DCC: variants seen among roughly 807,000 people sequenced by gnomAD.
The protein encoded by DCC is DCC netrin 1 receptor, also known as netrin receptor DCC.
DCC carries 58 observed loss-of-function variants against 172.5 expected under a neutral mutation model. The observed-to-expected ratio is 0.34, with a 90% CI of 0.27 to 0.42. The LOEUF is 0.42. Ranked by LOEUF, DCC falls within the 10% of genes least tolerant of loss-of-function variation. The probability of loss-of-function intolerance (pLI) is 1.00; values close to 1 mark genes in which losing one functional copy is unlikely to be tolerated. For missense variants in DCC, 1,740 were observed against 1,791.0 expected, an observed-to-expected ratio of 0.97 and a Z score of 0.51; for synonymous variants, 709 against 644.5, an observed-to-expected ratio of 1.10 and a Z score of -1.52.
rs368597374 is a variant in DCC, at chr18:52,469,972, A to C, written c.91+129094A>C. Among the ~76,000 whole-genome samples, 143 of 152,372 alleles carry C rather than the reference A, an allele frequency of 9.4e-4. 3 individuals carry two copies. The South Asian group carries it at 0.024, about 25-fold the overall frequency. On this transcript the variant is annotated intron_variant, in intron 1 of 28. Coordinates refer to ENST00000442544, the MANE Select transcript of DCC (RefSeq NM_005215.4). The stretch of plus-strand genomic sequence containing the variant: ...TATTCTTTGGACAGATTTTACTCAC[A>C]TGGCAGAAGTGCCTAGGAAGCAGAG...
At chr18:52,692,682 T>C (rs1390867003) in intron 1 of DCC, among the ~76,000 whole-genome samples, 1 of 152,112 alleles carries the variant, frequency 6.6e-6, no homozygotes, top group Admixed American at 6.6e-5. Context: ...TCCTCCTGCC[T>C]TGGTCTCCCA....
At chr18:52,783,333 T>C (rs944899690) in intron 2 of DCC, among the ~76,000 whole-genome samples, 2 of 27,108 alleles carry the variant, frequency 7.4e-5, no homozygotes, top group African/African-American at 1.1e-4. Context: ...CTTTTTTTTT[T>C]TTTTTTTTTT....
chr18:52,444,320 A>T (rs1264815126), intron 1 of DCC, among the ~76,000 whole-genome samples: 1 of 152,214 alleles, frequency 6.6e-6, no homozygotes, highest in African/African-American at 2.4e-5. Context: ...GAATGAAAAA[A>T]CTACTAATCT....
At chr18:53,173,603 G>T (rs1319638472) in intron 8 of DCC, among the ~76,000 whole-genome samples, 1 of 152,048 alleles carries the variant, frequency 6.6e-6, no homozygotes, top group African/African-American at 2.4e-5. Flanking sequence ...TAATGGTAAA[G>T]GCATCAATTC....
chr18:53,386,202 C>T lies in DCC; in HGVS notation c.2455+64C>T. ...TTGATTTATGGTGAAAAAAGAAAAA[C>T]TAAAATAAAATACAAAGAAACAAAA... On this transcript the variant is annotated intron_variant, in intron 16 of 28. Transcript: ENST00000442544. The T allele has an allele frequency of 2.7e-6, 3 of 1,092,908 alleles. No individual in the cohort carries two copies. In the Admixed American group the frequency reaches 5.2e-5, roughly 19 times the overall value. 67.7% of individuals were successfully genotyped at this position (1,092,908 alleles called of 1,614,324 possible).
chr18:53,492,596 G>C (rs2045971396), intron 26 of DCC, among the ~76,000 whole-genome samples: 1 of 152,124 alleles, frequency 6.6e-6, no homozygotes. Flanking sequence ...TGTCAGGTTT[G>C]TCAAAGATCA....
chr18:52,825,690 TA>T (rs60156255), intron 2 of DCC, among the ~76,000 whole-genome samples: 56,631 of 151,974 alleles, frequency 0.37, 11,167 homozygotes, highest in East Asian at 0.72. Context: ...TGGTTTGTTT[TA>T]AAAAAATCAC....
At chr18:52,792,333 A>G (rs1417713483) in intron 2 of DCC, among the ~76,000 whole-genome samples, 2 of 152,216 alleles carry the variant, frequency 1.3e-5, no homozygotes, top group African/African-American at 4.8e-5. Flanking sequence ...CACATTGCAT[A>G]CATAGAGAGA....
intron 1 of DCC, among the ~76,000 whole-genome samples, chr18:52,506,508 A>T (rs1335155488): frequency 3.9e-5 from 6 of 152,086 alleles, no homozygotes; most frequent in Non-Finnish European, 5.9e-5. Context: ...GTCTTTGTAG[A>T]TTCTGGTTGT....
intron 2 of DCC, among the ~76,000 whole-genome samples, chr18:52,826,525 G>A (rs967883412): frequency 2.0e-5 from 3 of 151,962 alleles, no homozygotes; most frequent in Admixed American, 6.6e-5. Context: ...TGAAGGAAGG[G>A]GCTGGAGTGC....
At chr18:52,392,590 A>T (rs1184340052) in intron 1 of DCC, among the ~76,000 whole-genome samples, 2 of 152,138 alleles carry the variant, frequency 1.3e-5, no homozygotes, top group African/African-American at 2.4e-5. Flanking sequence ...AGGCACTATC[A>T]TTCCTCACTA....
intron 22 of DCC, among the ~76,000 whole-genome samples, chr18:53,436,485 G>A (rs1286504181): frequency 6.6e-6 from 1 of 152,094 alleles, no homozygotes. Flanking sequence ...ATAGAATAGT[G>A]GTGTAAATTA....
intron 12 of DCC, among the ~76,000 whole-genome samples, chr18:53,243,339 A>G (rs372963992): frequency 6.6e-6 from 1 of 152,138 alleles, no homozygotes; most frequent in Non-Finnish European, 1.5e-5. Flanking sequence ...AAACATATCA[A>G]TCCAAACCCT....
intron 22 of DCC, among the ~76,000 whole-genome samples, chr18:53,447,203 T>C (rs1049001729): frequency 7.2e-4 from 110 of 152,250 alleles, no homozygotes; most frequent in Non-Finnish European, 5.4e-4. Flanking sequence ...GGCAACTTTA[T>C]AGAACACAAC....
intron 2 of DCC, among the ~76,000 whole-genome samples, chr18:52,781,946 T>G (rs2037553123): frequency 6.6e-6 from 1 of 152,178 alleles, no homozygotes; most frequent in African/African-American, 2.4e-5. Context: ...AGAATGACTT[T>G]CTTCATTACT....
At chr18:52,537,814 C>T (rs2032330761) in intron 1 of DCC, among the ~76,000 whole-genome samples, 1 of 152,118 alleles carries the variant, frequency 6.6e-6, no homozygotes, top group African/African-American at 2.4e-5. Flanking sequence ...TAAAGCCAGC[C>T]AATGATGTCC....
rs147893085 is a variant in DCC at position 53,120,276 on chromosome 18, A to C, written c.1262-37080A>C. On this transcript the variant is annotated intron_variant, in intron 7 of 28. Transcript: ENST00000442544. ...GTATAAAATACTATTCATTTGCTTCAATTAGTATAGAATAAAAACATTTAT... is the reference window on the plus strand; with the variant it reads ...GTATAAAATACTATTCATTTGCTTCCATTAGTATAGAATAAAAACATTTAT... Among the ~76,000 whole-genome samples the C allele has an allele frequency of 3.2e-4, 49 of 151,910 alleles. 1 individual carries two copies. Among genetic ancestry groups the C allele is most frequent in the African/African-American group, 1.1e-3 (44 of 41,542 alleles).
intron 5 of DCC, among the ~76,000 whole-genome samples, chr18:52,969,182 G>A (rs117765805): frequency 0.011 from 1,626 of 152,114 alleles, 12 homozygotes; most frequent in Middle Eastern, 0.017. Flanking sequence ...ATTCACCTAT[G>A]ACTTCCAAAT....
At chr18:53,428,536 T>TTA (rs1388993274) in intron 21 of DCC, among the ~76,000 whole-genome samples, 2 of 27,144 alleles carry the variant, frequency 7.4e-5, no homozygotes, top group Non-Finnish European at 1.1e-4. Flanking sequence ...TTTATGTATT[T>TTA]TATATATATA....
Sources: allele counts gnomAD v4.1 joint callset (sites outside exome capture counted in the v4.1 genomes callset), GRCh38; gene constraint gnomAD v4.1.1; transcripts MANE v1.5; gene names NCBI Gene and HGNC (gene_info 2026-07-23, HGNC 2026-07-21).